SMYD3: variants seen among roughly 807,000 people sequenced by gnomAD.
SMYD3 encodes histone-lysine N-methyltransferase SMYD3.
SMYD3 carries 36 observed loss-of-function variants against 57.7 expected under a neutral mutation model. The observed-to-expected ratio is 0.62, with a 90% CI of 0.48 to 0.82. The LOEUF (loss-of-function observed/expected upper bound fraction) is 0.82, where lower values mean the gene tolerates loss of function less well. Among genes scored for constraint, SMYD3 ranks in the 40% least tolerant of loss-of-function variants. The pLI, the probability that SMYD3 is intolerant of heterozygous loss-of-function variation, is 0.00. For missense variants in SMYD3, 515 were observed against 538.8 expected (o/e 0.96, Z 0.44); for synonymous variants, 211 against 195.0 (o/e 1.08, Z -0.68).
intron 1 of SMYD3, among the ~76,000 whole-genome samples, chr1:246,458,613 ATTTTTTTTTTTT>A (rs74163446): frequency 8.5e-5 from 4 of 46,876 alleles, no homozygotes; most frequent in African/African-American, 3.4e-4. Flanking sequence ...CGCCTGGCTG[ATTTTTTTTTTTT>A]TTTTTTTTTT....
At chr1:246,218,425 C>T (rs2063199889) in intron 5 of SMYD3, among the ~76,000 whole-genome samples, 1 of 152,076 alleles carries the variant, frequency 6.6e-6, no homozygotes, top group African/African-American at 2.4e-5. Context: ...AGATCGAGAC[C>T]ATCCTGGCTA....
At chr1:246,365,453 C>T (rs148030110) in intron 1 of SMYD3, among the ~76,000 whole-genome samples, 1,523 of 140,922 alleles carry the variant, frequency 0.011, 20 homozygotes, top group Middle Eastern at 0.036. Flanking sequence ...TGTGATCACA[C>T]CACTGCACTC....
chr1:246,248,964 A>C (rs949074055), intron 5 of SMYD3, among the ~76,000 whole-genome samples: 3 of 148,438 alleles, frequency 2.0e-5, no homozygotes, highest in African/African-American at 7.4e-5. Flanking sequence ...CCGCTCTCTG[A>C]CTTCTTTTAC....
At chr1:245,996,427 A>G (rs2058933072) in intron 5 of SMYD3, among the ~76,000 whole-genome samples, 1 of 152,196 alleles carries the variant, frequency 6.6e-6, no homozygotes, top group African/African-American at 2.4e-5. Context: ...ATGGGTTTAT[A>G]TAGAATAGAA....
intron 5 of SMYD3, among the ~76,000 whole-genome samples, chr1:246,255,733 A>T (rs1285673451): frequency 6.7e-6 from 1 of 148,744 alleles, no homozygotes; most frequent in Non-Finnish European, 1.5e-5. Flanking sequence ...TGTACAATAC[A>T]TCTGGCAGAA....
rs191989700 is a variant in SMYD3 at position 246,150,034 on chromosome 1, G to T, written c.531+177167C>A. Among the ~76,000 whole-genome samples, 20 of 152,254 alleles carry T rather than the reference G, an allele frequency of 1.3e-4. No homozygotes were observed. In the East Asian group the frequency reaches 3.9e-3, roughly 29 times the overall value. ...TTTTGCATCCGCAGCTATAGAGAAAGAAATTCTGTTTTTTTAACTTACCTT... is the reference window on the plus strand; with the variant it reads ...TTTTGCATCCGCAGCTATAGAGAAATAAATTCTGTTTTTTTAACTTACCTT... On this transcript the variant is annotated intron_variant, in intron 5 of 11. Coordinates refer to ENST00000490107, the MANE Select transcript of SMYD3 (RefSeq NM_001167740.2).
At chr1:245,977,880 TTC>T (rs1185811870) in intron 5 of SMYD3, among the ~76,000 whole-genome samples, 7 of 152,306 alleles carry the variant, frequency 4.6e-5, no homozygotes, top group Non-Finnish European at 1.0e-4. Flanking sequence ...CTTTCTTACT[TTC>T]TCTGTGTTGT....
intron 3 of SMYD3, among the ~76,000 whole-genome samples, chr1:246,331,640 GC>G (rs1267851597): frequency 1.3e-5 from 2 of 152,136 alleles, no homozygotes; most frequent in Non-Finnish European, 2.9e-5. Flanking sequence ...GTTAATTTCA[GC>G]CTTAAATAGG....
intron 8 of SMYD3, among the ~76,000 whole-genome samples, chr1:245,911,141 G>A (rs536066378): frequency 1.6e-3 from 243 of 152,186 alleles, no homozygotes; most frequent in Non-Finnish European, 2.8e-3. Context: ...AATGGTCAGG[G>A]AAATGCAAAT....
intron 10 of SMYD3, among the ~76,000 whole-genome samples, chr1:245,817,269 A>C (rs577091359): frequency 3.5e-5 from 5 of 142,588 alleles, no homozygotes; most frequent in African/African-American, 8.0e-5. Flanking sequence ...ACTGGGAGGC[A>C]CCCCCCAGCA....
intron 5 of SMYD3, among the ~76,000 whole-genome samples, chr1:245,977,029 C>CCATCGTCTCTAGCCT (rs1558551371): frequency 2.2e-4 from 8 of 37,008 alleles, no homozygotes; most frequent in African/African-American, 6.3e-4. Flanking sequence ...GTCTCTAGCC[C>CCATCGTCTCTAGCCT]AGGGAAAGCC....
chr1:246,297,688 T>C (rs1455762657), intron 5 of SMYD3, among the ~76,000 whole-genome samples: 3 of 152,168 alleles, frequency 2.0e-5, no homozygotes, highest in Non-Finnish European at 4.4e-5. Flanking sequence ...AAATGTCAAA[T>C]ATTCAATTAT....
At chr1:246,301,317 C>G (rs1039558406) in intron 5 of SMYD3, among the ~76,000 whole-genome samples, 13 of 152,108 alleles carry the variant, frequency 8.5e-5, no homozygotes, top group African/African-American at 2.7e-4. Context: ...CAAGAATGTT[C>G]AATTCTCGTG....
intron 5 of SMYD3, chr1:246,178,735 T>C (rs1340878121): frequency 1.3e-5 from 2 of 152,106 alleles, no homozygotes; most frequent in African/African-American, 4.8e-5. Flanking sequence ...TAAACTGAGC[T>C]GCCACTGCTT....
At chr1:245,859,746 T>C (rs912283388) in intron 9 of SMYD3, among the ~76,000 whole-genome samples, 1 of 152,200 alleles carries the variant, frequency 6.6e-6, no homozygotes, top group Non-Finnish European at 1.5e-5. Flanking sequence ...CTGCTTCATA[T>C]GTTGTCATTC....
intron 5 of SMYD3, among the ~76,000 whole-genome samples, chr1:246,055,525 G>T (rs1041115645): frequency 6.6e-6 from 1 of 152,150 alleles, no homozygotes; most frequent in African/African-American, 2.4e-5. Context: ...AGAGCTGAAA[G>T]CACAGATTCA....
intron 5 of SMYD3, among the ~76,000 whole-genome samples, chr1:246,021,436 TG>T (rs1231566174): frequency 6.6e-6 from 1 of 152,136 alleles, no homozygotes; most frequent in Non-Finnish European, 1.5e-5. Flanking sequence ...CAGAATTGTC[TG>T]TAGTTAAGTA....
intron 5 of SMYD3, among the ~76,000 whole-genome samples, chr1:245,965,065 T>A (rs1270040650): frequency 6.6e-6 from 1 of 151,914 alleles, no homozygotes; most frequent in East Asian, 1.9e-4. Context: ...AGAAAAAAAA[T>A]ATTTAAAAAA....
At chr1:246,454,756 A>G (rs1172709406) in intron 1 of SMYD3, among the ~76,000 whole-genome samples, 4 of 152,220 alleles carry the variant, frequency 2.6e-5, no homozygotes, top group African/African-American at 9.6e-5. Context: ...AGTCAAAAGG[A>G]AACACATAAA....
Sources: allele counts gnomAD v4.1 joint callset (sites outside exome capture counted in the v4.1 genomes callset), GRCh38; gene constraint gnomAD v4.1.1; transcripts MANE v1.5; gene names NCBI Gene and HGNC (gene_info 2026-07-23, HGNC 2026-07-21).